RYR3: variants seen among roughly 807,000 people sequenced by gnomAD.
RYR3 encodes ryanodine receptor 3, also known as brain ryanodine receptor-calcium release channel.
RYR3 carries 207 observed loss-of-function variants against 584.3 expected under a neutral mutation model. The observed-to-expected ratio is 0.35, with a 90% CI of 0.32 to 0.40. The LOEUF (loss-of-function observed/expected upper bound fraction) is 0.40. RYR3 is among the 10% of genes least tolerant of loss of function. RYR3 has a pLI of 1.00. For synonymous variants in RYR3, 2,416 were observed against 2,248.5 expected (o/e 1.07, Z -2.11); for missense variants, 5,616 against 6,089.2 (o/e 0.92, Z 2.59).
At chr15:33,725,970 C>T (rs1225479035) in intron 45 of RYR3, among the ~76,000 whole-genome samples, 2 of 30,614 alleles carry the variant, frequency 6.5e-5, no homozygotes, top group Non-Finnish European at 1.6e-4. Context: ...ACTCCATCCC[C>T]CCCCCCAAAA....
chr15:33,648,819 G>GGT (rs2062264381), intron 30 of RYR3, among the ~76,000 whole-genome samples: 1 of 152,204 alleles, frequency 6.6e-6, no homozygotes, highest in Non-Finnish European at 1.5e-5. Context: ...CTGGGCAAAG[G>GGT]GTGGTAGATT....
intron 16 of RYR3, among the ~76,000 whole-genome samples, chr15:33,586,711 G>T (rs1334181946): frequency 1.3e-5 from 2 of 152,172 alleles, no homozygotes; most frequent in Non-Finnish European, 2.9e-5. Context: ...ATCTCACTAA[G>T]TGGAATGCTA....
chr15:33,636,100 A>G (rs1361344867), intron 26 of RYR3, among the ~76,000 whole-genome samples: 1 of 152,186 alleles, frequency 6.6e-6, no homozygotes, highest in Non-Finnish European at 1.5e-5. Context: ...AAAGATCACT[A>G]TGCAGCTAGT....
intron 2 of RYR3, among the ~76,000 whole-genome samples, chr15:33,489,311 A>G (rs1311686448): frequency 6.6e-6 from 1 of 152,182 alleles, no homozygotes; most frequent in Non-Finnish European, 1.5e-5. Flanking sequence ...TCATCCAGGT[A>G]TTAAGCCCAG....
In RYR3 at chr15:33,709,779, T is replaced by G. The variant is rs1389062505; in HGVS notation, c.6619+2725T>G. The stretch of plus-strand genomic sequence containing the variant: ...AATTACCTAGTCTTTGATATTCTGT[T>G]ATAGCAGCACAAAACAGACTAAGAT... On this transcript the variant is annotated intron_variant, in intron 43 of 103. Coordinates refer to ENST00000634891, the MANE Select transcript of RYR3 (RefSeq NM_001036.6). 3.9e-5 allele frequency among the ~76,000 whole-genome samples: 6 copies of G among 152,286 alleles called. No individual in the cohort carries two copies. The East Asian group carries it at 9.6e-4, about 24-fold the overall frequency.
chr15:33,567,263 G>A (rs2057765097), intron 12 of RYR3, among the ~76,000 whole-genome samples: 1 of 152,176 alleles, frequency 6.6e-6, no homozygotes, highest in Non-Finnish European at 1.5e-5. Context: ...TGGCTTAAAT[G>A]GGAAAATTAA....
intron 55 of RYR3, among the ~76,000 whole-genome samples, chr15:33,749,423 T>TC (rs963557566): frequency 1.6e-4 from 24 of 152,276 alleles, no homozygotes; most frequent in African/African-American, 5.5e-4. Context: ...CCTCTGGAAG[T>TC]CCATCAGACC....
At chr15:33,631,355 G>A in intron 23 of RYR3, 62 bp downstream of exon 23, 1 of 1,137,070 alleles carries the variant, frequency 8.8e-7, no homozygotes, top group Non-Finnish European at 1.3e-6. Context: ...TTTTAATCCA[G>A]GAGGGTGGTA....
chr15:33,720,448 C>T (rs2067825097), intron 43 of RYR3, among the ~76,000 whole-genome samples: 1 of 152,200 alleles, frequency 6.6e-6, no homozygotes, highest in East Asian at 1.9e-4. Flanking sequence ...AATAGAGTCA[C>T]TCTAAAACTA....
In RYR3 at chr15:33,579,986, C is replaced by G. The variant is rs776720726; in HGVS notation, c.1279C>G (p.Arg427Gly). 1.2e-6 allele frequency: 2 copies of G among 1,608,224 alleles called. No homozygotes were observed. Among genetic ancestry groups the G allele is most frequent in the African/African-American group, 1.3e-5 (1 of 74,566 alleles). ...TCTCATGGTTTTTAGCGGAAACAAT[C>G]GCACAGCTGCCCCCATCACCCTGCC... ...LFSQFVSGNN[R>G]TAAPITLPIE... The change falls in exon 13 of 104, where the codon CGC (arginine) becomes GGC (glycine). Residue 427 changes from arginine to glycine, a missense_variant. Physicochemically the swap from Arg to Gly is moderately radical, Grantham distance 125. Transcript: ENST00000634891.
At chr15:33,602,839 A>G (rs967774276) in intron 17 of RYR3, among the ~76,000 whole-genome samples, 1 of 141,524 alleles carries the variant, frequency 7.1e-6, no homozygotes, top group African/African-American at 2.6e-5. Flanking sequence ...TTGAACTGCT[A>G]GGCTCAAGCA....
chr15:33,487,263 A>C (rs965167931), intron 2 of RYR3, among the ~76,000 whole-genome samples: 4 of 151,964 alleles, frequency 2.6e-5, no homozygotes, highest in Non-Finnish European at 5.9e-5. Flanking sequence ...GCATTCCAGC[A>C]GGGTTGGAAT....
chr15:33,537,875 G>C (rs141203994), intron 5 of RYR3, among the ~76,000 whole-genome samples: 11 of 151,968 alleles, frequency 7.2e-5, no homozygotes, highest in African/African-American at 2.7e-4. Flanking sequence ...CTCTTTTTCA[G>C]TTCTTGCTCT....
chr15:33,589,099 T>C (rs1347376292), intron 16 of RYR3, among the ~76,000 whole-genome samples: 1 of 152,206 alleles, frequency 6.6e-6, no homozygotes, highest in Admixed American at 6.5e-5. Context: ...TTCCCTTTTC[T>C]CTGTATCCTC....
At chr15:33,425,363 T>A (rs559135279) in intron 1 of RYR3, among the ~76,000 whole-genome samples, 1 of 152,320 alleles carries the variant, frequency 6.6e-6, no homozygotes, top group Admixed American at 6.5e-5. Flanking sequence ...TTCTGACTCC[T>A]CCTGTCGTCA....
chr15:33,745,230 A>G (rs1214745415), intron 52 of RYR3, among the ~76,000 whole-genome samples: 2 of 152,100 alleles, frequency 1.3e-5, no homozygotes, highest in African/African-American at 4.8e-5. Flanking sequence ...AGACATGTAG[A>G]GAAGTAATTT....
At chr15:33,834,346 C>A (rs1288405680) in intron 86 of RYR3, among the ~76,000 whole-genome samples, 2 of 148,890 alleles carry the variant, frequency 1.3e-5, no homozygotes, top group Non-Finnish European at 3.0e-5. Flanking sequence ...ATGGAAAATG[C>A]AAACTAAGTT....
chr15:33,697,508 A>G (rs962886806), intron 39 of RYR3, among the ~76,000 whole-genome samples: 11 of 152,276 alleles, frequency 7.2e-5, no homozygotes, highest in African/African-American at 2.6e-4. Flanking sequence ...GTGAATTTAT[A>G]TTGGATGACT....
intron 91 of RYR3, among the ~76,000 whole-genome samples, chr15:33,843,236 C>A (rs548806970): frequency 6.6e-6 from 1 of 152,220 alleles, no homozygotes; most frequent in East Asian, 1.9e-4. Context: ...AGGAGAATGG[C>A]ATGAACCCGG....
Sources: gnomAD v4.1 joint callset for allele counts (sites outside exome capture counted in the v4.1 genomes callset) on GRCh38, gnomAD v4.1.1 for gene constraint, MANE v1.5 for transcripts, NCBI Gene and HGNC (gene_info 2026-07-23, HGNC 2026-07-21) for gene names.